RELN: variants seen among roughly 807,000 people sequenced by gnomAD.
The protein encoded by RELN is reelin.
RELN carries 108 observed loss-of-function variants against 427.6 expected under a neutral mutation model. The ratio of observed to expected loss-of-function variants is 0.25; its 90% CI spans 0.22 to 0.30. The LOEUF is 0.30. Ranked by LOEUF, RELN falls within the 10% of genes least tolerant of loss-of-function variation. The pLI, the probability that RELN is intolerant of heterozygous loss-of-function variation, is 1.00. For missense variants in RELN, 3,715 were observed against 4,302.8 expected (o/e 0.86, Z 3.82); for synonymous variants, 1,524 against 1,513.4 (o/e 1.01, Z -0.16).
intron 3 of RELN, among the ~76,000 whole-genome samples, chr7:103,814,878 T>C (rs1217911267): frequency 6.6e-6 from 1 of 152,208 alleles, no homozygotes; most frequent in African/African-American, 2.4e-5. Flanking sequence ...AAAACTTTGC[T>C]CTTGTCAATA....
At position 103,485,748 on chromosome 7, in the gene RELN, CCAACCA is replaced by C. The variant is rs1828415395; in HGVS notation, c.9983+443_9983+448del. On this transcript the variant is annotated intron_variant, in intron 61 of 64. Transcript: ENST00000428762. ...ATAAAATTTTAAAGGTCTTATCCAT[CCAACCA>C]TCCATCCATCCATCCATCCTCCATT... 4.0e-5 allele frequency among the ~76,000 whole-genome samples: 4 copies of C among 99,306 alleles called. No individual in the cohort carries two copies. In the South Asian group the frequency reaches 1.3e-3, roughly 32 times the overall value. The allele number at this position is 99,306 out of a possible 152,430, so 65.1% of individuals were successfully genotyped here.
intron 46 of RELN, among the ~76,000 whole-genome samples, chr7:103,533,357 T>G (rs559371528): frequency 6.6e-6 from 1 of 152,370 alleles, no homozygotes; most frequent in South Asian, 2.1e-4. Flanking sequence ...ACAGCGATTT[T>G]AATTTAAAAC....
chr7:103,855,342 C>A (rs570547273), intron 2 of RELN, among the ~76,000 whole-genome samples: 1 of 152,288 alleles, frequency 6.6e-6, no homozygotes, highest in South Asian at 2.1e-4. Context: ...CCATCACTTG[C>A]GTCACTAAAG....
chr7:103,625,583 C>A (rs1167746575), intron 20 of RELN, among the ~76,000 whole-genome samples: 1 of 152,104 alleles, frequency 6.6e-6, no homozygotes, highest in African/African-American at 2.4e-5. Context: ...TAGGTATTTG[C>A]TATCTATGAT....
At chr7:103,772,789 C>T (rs1395816765) in intron 4 of RELN, among the ~76,000 whole-genome samples, 1 of 152,086 alleles carries the variant, frequency 6.6e-6, no homozygotes, top group African/African-American at 2.4e-5. Context: ...TGACAAGAAA[C>T]GAGGTAGGAG....
intron 8 of RELN, among the ~76,000 whole-genome samples, chr7:103,707,437 A>G (rs1482489404): frequency 6.6e-6 from 1 of 152,102 alleles, no homozygotes; most frequent in African/African-American, 2.4e-5. Context: ...TAAGATACAC[A>G]TGTAATTCAT....
At chr7:103,943,892 C>T (rs967312634) in intron 1 of RELN, among the ~76,000 whole-genome samples, 1 of 148,820 alleles carries the variant, frequency 6.7e-6, no homozygotes, top group Non-Finnish European at 1.5e-5. Context: ...ACTAGTTTCC[C>T]CACAACATCC....
chr7:103,485,350 C>T (rs552418123), intron 61 of RELN, among the ~76,000 whole-genome samples: 15 of 151,926 alleles, frequency 9.9e-5, no homozygotes, highest in African/African-American at 3.1e-4. Context: ...CCTGCCTTTC[C>T]GCTTGTGAAA....
At chr7:103,918,923 AGATG>A (rs1342475056) in intron 1 of RELN, among the ~76,000 whole-genome samples, 1 of 152,170 alleles carries the variant, frequency 6.6e-6, no homozygotes, top group Non-Finnish European at 1.5e-5. Flanking sequence ...AAATTTTATC[AGATG>A]CTGTATGCTT....
chr7:103,760,346 G>A (rs753849771), intron 4 of RELN, among the ~76,000 whole-genome samples: 2 of 152,078 alleles, frequency 1.3e-5, no homozygotes, highest in African/African-American at 2.4e-5. Flanking sequence ...ACAGCAGCCT[G>A]AAGTAGGCAT....
chr7:103,750,728 T>A (rs927111724), intron 5 of RELN, among the ~76,000 whole-genome samples: 10 of 152,350 alleles, frequency 6.6e-5, no homozygotes, highest in Admixed American at 1.3e-4. Flanking sequence ...TGAATGTTTT[T>A]AAATTTGTGA....
At chr7:103,565,243 A>G (rs754211409) in intron 34 of RELN, 35 bp downstream of exon 34, 4 of 1,612,272 alleles carry the variant, frequency 2.5e-6, no homozygotes, top group South Asian at 1.1e-5. Flanking sequence ...ACAGGCACCC[A>G]AAGTTCTGAC....
intron 1 of RELN, among the ~76,000 whole-genome samples, chr7:103,920,781 C>A (rs758093107): frequency 3.3e-5 from 5 of 152,146 alleles, no homozygotes; most frequent in Non-Finnish European, 1.5e-5. Context: ...ACCATGTTGA[C>A]CAGGCTGGTC....
intron 3 of RELN, among the ~76,000 whole-genome samples, chr7:103,783,254 C>G (rs111428499): frequency 0.011 from 1,688 of 150,206 alleles, 35 homozygotes; most frequent in African/African-American, 0.039. Context: ...CTTGCCCTCT[C>G]AAAGTGCTGG....
At chr7:103,927,874 C>T (rs939679176) in intron 1 of RELN, among the ~76,000 whole-genome samples, 12 of 152,136 alleles carry the variant, frequency 7.9e-5, no homozygotes, top group Non-Finnish European at 8.8e-5. Context: ...GATTAGTTAT[C>T]TAAAGAGTGT....
At chr7:103,549,621 T>C (rs1005683872) in intron 41 of RELN, among the ~76,000 whole-genome samples, 4 of 152,198 alleles carry the variant, frequency 2.6e-5, no homozygotes, top group African/African-American at 4.8e-5. Flanking sequence ...ATTTGAAAAT[T>C]TGGAATTAAG....
At chr7:103,795,168 T>C (rs1340791415) in intron 3 of RELN, among the ~76,000 whole-genome samples, 1 of 152,226 alleles carries the variant, frequency 6.6e-6, no homozygotes, top group Non-Finnish European at 1.5e-5. Context: ...ACAAGCTTCC[T>C]GCATTGCTTT....
chr7:103,899,432 A>T (rs1177148072), intron 2 of RELN, among the ~76,000 whole-genome samples: 1 of 152,122 alleles, frequency 6.6e-6, no homozygotes. Flanking sequence ...CTCCTCCCTA[A>T]CTCATTTTAT....
At chr7:103,554,069 C>T (rs1476227987) in intron 38 of RELN, among the ~76,000 whole-genome samples, 1 of 152,040 alleles carries the variant, frequency 6.6e-6, no homozygotes, top group Admixed American at 6.6e-5. Context: ...TGCCTGTAGT[C>T]CCAGCTACTC....
Sources: gnomAD v4.1 joint callset for allele counts (sites outside exome capture counted in the v4.1 genomes callset) on GRCh38, gnomAD v4.1.1 for gene constraint, MANE v1.5 for transcripts, NCBI Gene and HGNC (gene_info 2026-07-23, HGNC 2026-07-21) for gene names.